GLMN: variants seen among roughly 807,000 people sequenced by gnomAD.
GLMN encodes the protein glomulin, FKBP associated protein.
Under a neutral mutation model 87.8 loss-of-function variants are expected in GLMN, and 75 were observed. That is an observed-to-expected ratio of 0.85 (90% CI 0.71 to 1.04). The LOEUF (loss-of-function observed/expected upper bound fraction) is 1.04, where lower values mean the gene tolerates loss of function less well. GLMN is among the 50% of genes least tolerant of loss of function. The pLI is 0.00. For synonymous variants in GLMN, 206 were observed against 221.6 expected, an observed-to-expected ratio of 0.93 and a Z score of 0.63; for missense variants, 588 against 658.8, an observed-to-expected ratio of 0.89 and a Z score of 1.18.
chr1:92,351,931 C>T, the GLMN span, among the ~76,000 whole-genome samples: 2 of 152,124 alleles, frequency 1.3e-5, no homozygotes, highest in Non-Finnish European at 2.9e-5. Context: ...TCAAATGTCT[C>T]TTGGTGGCCA....
intron 16 of GLMN, among the ~76,000 whole-genome samples, chr1:92,259,951 G>A (rs1214532236): frequency 2.0e-5 from 3 of 151,866 alleles, no homozygotes; most frequent in Non-Finnish European, 4.4e-5. Context: ...TAGCCAGGAT[G>A]GTCTTGATCT....
the GLMN span, among the ~76,000 whole-genome samples, chr1:92,319,494 G>A: frequency 2.9e-4 from 44 of 152,188 alleles, no homozygotes; most frequent in African/African-American, 9.9e-4. Flanking sequence ...TGGCAGGCGC[G>A]GTGGCTCACA....
At chr1:92,317,251 G>T in the GLMN span, among the ~76,000 whole-genome samples, 1 of 152,138 alleles carries the variant, frequency 6.6e-6, no homozygotes, top group Admixed American at 6.5e-5. Context: ...GCTCACAACT[G>T]TAATCCCAGC....
chr1:92,347,157 C>T, the GLMN span, among the ~76,000 whole-genome samples: 1 of 152,176 alleles, frequency 6.6e-6, no homozygotes, highest in Non-Finnish European at 1.5e-5. Context: ...AATAACTTTA[C>T]TTGAATGCCC....
chr1:92,268,068 C>G (rs1304979596), intron 10 of GLMN, 37 bp downstream of exon 10: 5 of 1,411,972 alleles, frequency 3.5e-6, no homozygotes, highest in Non-Finnish European at 5.0e-6. Context: ...GTTGACATAA[C>G]TATGTATTTA....
rs184179164 is a variant in GLMN at position 92,280,813 on chromosome 1, T to A, written c.735+5677A>T. On this transcript the variant is annotated intron_variant, in intron 7 of 18. Transcript: ENST00000370360. ...TGAAAACCATGGCACGAGAACTTCA[T>A]GACGCATGCACAAGCTTCAATAGCC... 1.2e-4 allele frequency among the ~76,000 whole-genome samples: 18 copies of A among 152,252 alleles called. No homozygotes were observed. The East Asian group carries it at 3.5e-3, about 29-fold the overall frequency.
chr1:92,327,271 C>G, the GLMN span, among the ~76,000 whole-genome samples: 1 of 152,120 alleles, frequency 6.6e-6, no homozygotes, highest in South Asian at 2.1e-4. Context: ...AAGTCCCCCA[C>G]TATTATTGTG....
At chr1:92,288,359 T>TA (rs1285062792) in intron 6 of GLMN, among the ~76,000 whole-genome samples, 1 of 152,202 alleles carries the variant, frequency 6.6e-6, no homozygotes, top group Non-Finnish European at 1.5e-5. Flanking sequence ...ATTATTCACC[T>TA]ACTATGATGA....
intron 13 of GLMN, among the ~76,000 whole-genome samples, chr1:92,265,406 A>G (rs1655506184): frequency 6.6e-6 from 1 of 152,166 alleles, no homozygotes; most frequent in South Asian, 2.1e-4. Flanking sequence ...ACAGAACAGG[A>G]AAGCCGGTAT....
intron 16 of GLMN, among the ~76,000 whole-genome samples, chr1:92,255,992 TAACAA>T (rs1209736682): frequency 1.3e-5 from 2 of 151,904 alleles, no homozygotes; most frequent in African/African-American, 4.8e-5. Flanking sequence ...TTGAAAAGAC[TAACAA>T]AACAGACCAC....
intron 7 of GLMN, among the ~76,000 whole-genome samples, chr1:92,285,564 G>C (rs1421968956): frequency 6.6e-6 from 1 of 152,208 alleles, no homozygotes; most frequent in African/African-American, 2.4e-5. Flanking sequence ...GTATACCTAT[G>C]TAACAAACCT....
the GLMN span, among the ~76,000 whole-genome samples, chr1:92,313,643 T>A: frequency 3.9e-5 from 6 of 152,180 alleles, no homozygotes; most frequent in Non-Finnish European, 8.8e-5. Context: ...AGTTACCAGC[T>A]ACGTTAGCCC....
chr1:92,290,405 C>T lies in GLMN; in HGVS notation c.286-99G>A, dbSNP rs568909449. On this transcript the variant is annotated intron_variant, in intron 4 of 18. Coordinates refer to ENST00000370360, the MANE Select transcript of GLMN (RefSeq NM_053274.3). ...AGGCATGTATCGACAAAATATTATACAATTATGTTTTTGCTTAACATTAAA... is the reference window on the plus strand; with the variant it reads ...AGGCATGTATCGACAAAATATTATATAATTATGTTTTTGCTTAACATTAAA... 3.0e-5 allele frequency: 22 copies of T among 737,296 alleles called. No homozygotes were observed. The East Asian group carries it at 3.7e-4, about 12-fold the overall frequency. The allele number at this position is 737,296 out of a possible 1,614,324, so 45.7% of individuals were successfully genotyped here. A position where few individuals can be genotyped will look rare whatever the true frequency, so the allele number is the denominator to read the frequency against.
At chr1:92,305,065 G>T in the GLMN span, among the ~76,000 whole-genome samples, 1 of 151,946 alleles carries the variant, frequency 6.6e-6, no homozygotes, top group Non-Finnish European at 1.5e-5. Context: ...AACCTGGGAG[G>T]CAGAGGTTAC....
rs1655650864 is a variant in GLMN at position 92,266,507 on chromosome 1, A to G, written c.1141-15T>C. ...CTCTTTTTCCTCTAAAATGGAACAA[A>G]CAATATTATTATATAAAATGAATAA... On this transcript the variant is annotated splice_polypyrimidine_tract_variant and intron_variant, in intron 12 of 18. Coordinates refer to ENST00000370360, the MANE Select transcript of GLMN (RefSeq NM_053274.3). 10 of 1,448,796 alleles carry G rather than the reference A, an allele frequency of 6.9e-6. 1 individual carries two copies. In the Admixed American group the frequency reaches 1.0e-4, roughly 15 times the overall value. The allele number at this position is 1,448,796 out of a possible 1,614,324, so 89.7% of individuals were successfully genotyped here.
the GLMN span, among the ~76,000 whole-genome samples, chr1:92,366,999 T>C: frequency 6.6e-6 from 1 of 152,258 alleles, no homozygotes; most frequent in African/African-American, 2.4e-5. Context: ...AAAATATGGG[T>C]AAGGTGACAG....
chr1:92,264,961 C>A (rs1655444169), intron 13 of GLMN, among the ~76,000 whole-genome samples: 1 of 152,212 alleles, frequency 6.6e-6, no homozygotes, highest in African/African-American at 2.4e-5. Context: ...CCTGCCTCAG[C>A]CTCCTGAGTA....
intron 5 of GLMN, among the ~76,000 whole-genome samples, chr1:92,289,779 C>T (rs956931689): frequency 6.6e-6 from 1 of 152,108 alleles, no homozygotes; most frequent in Non-Finnish European, 1.5e-5. Flanking sequence ...TATGCCCAAT[C>T]CAACCTCCCA....
intron 16 of GLMN, among the ~76,000 whole-genome samples, chr1:92,259,641 A>T (rs1213418063): frequency 1.3e-5 from 2 of 152,110 alleles, no homozygotes; most frequent in African/African-American, 4.8e-5. Flanking sequence ...TTAAGTGCTC[A>T]AAAATAGGTA....
Sources: gnomAD v4.1 joint callset for allele counts (sites outside exome capture counted in the v4.1 genomes callset) on GRCh38, gnomAD v4.1.1 for gene constraint, MANE v1.5 for transcripts, NCBI Gene and HGNC (gene_info 2026-07-23, HGNC 2026-07-21) for gene names.